CDK5RAP1: variants seen among roughly 807,000 people sequenced by gnomAD.
CDK5RAP1 encodes the protein CDK5RAP1 mitochondrial tRNA methylthiotransferase.
Under a neutral mutation model 64.5 loss-of-function variants are expected in CDK5RAP1, and 62 were observed. The ratio of observed to expected loss-of-function variants is 0.96; its 90% confidence interval spans 0.78 to 1.19. The LOEUF is 1.19. Ranked by LOEUF, CDK5RAP1 falls within the 50% of genes most tolerant of loss-of-function variation. The pLI is 0.00. For missense variants in CDK5RAP1, 657 were observed against 735.0 expected, an observed-to-expected ratio of 0.89 and a Z score of 1.23; for synonymous variants, 250 against 261.9, an observed-to-expected ratio of 0.95 and a Z score of 0.44.
intron 12 of CDK5RAP1, among the ~76,000 whole-genome samples, chr20:33,363,931 A>C (rs1203665272): frequency 6.6e-6 from 1 of 152,086 alleles, no homozygotes; most frequent in Non-Finnish European, 1.5e-5. Context: ...AATAAAATCA[A>C]TTAAATTGAG....
intron 6 of CDK5RAP1, among the ~76,000 whole-genome samples, chr20:33,386,325 G>C (rs1483156976): frequency 6.6e-6 from 1 of 152,206 alleles, no homozygotes; most frequent in Non-Finnish European, 1.5e-5. Flanking sequence ...GCCTCCCAAA[G>C]TGCTGGGATT....
intron 12 of CDK5RAP1, among the ~76,000 whole-genome samples, chr20:33,361,179 C>T (rs1230573195): frequency 6.6e-6 from 1 of 152,182 alleles, no homozygotes; most frequent in Non-Finnish European, 1.5e-5. Context: ...CCCCCAATCA[C>T]CCCTGCTTTC....
chr20:33,371,544 T>C (rs1985017899), intron 10 of CDK5RAP1, among the ~76,000 whole-genome samples: 1 of 152,016 alleles, frequency 6.6e-6, no homozygotes, highest in Non-Finnish European at 1.5e-5. Flanking sequence ...TCCCACCACT[T>C]TGGCAGGCTG....
Position 33,370,644 on chromosome 20 carries a change from A to C in CDK5RAP1, c.1262-15T>G, listed in dbSNP as rs1224806303. ...GAGGCTCACACCTGTGATACACAGC[A>C]AAGGATGACAGGTGACTGCCTGCTG... On this transcript the variant is annotated splice_polypyrimidine_tract_variant and intron_variant, in intron 10 of 13. Coordinates refer to ENST00000346416, the MANE Select transcript of CDK5RAP1 (RefSeq NM_016408.4). 8.7e-6 allele frequency: 14 copies of C among 1,613,972 alleles called. No individual in the cohort carries two copies. Among genetic ancestry groups the C allele is most frequent in the Non-Finnish European group, 1.1e-5 (13 of 1,179,944 alleles).
At chr20:33,365,930 T>G (rs1281589257) in intron 12 of CDK5RAP1, among the ~76,000 whole-genome samples, 1 of 152,196 alleles carries the variant, frequency 6.6e-6, no homozygotes, top group African/African-American at 2.4e-5. Flanking sequence ...AAAGAAAGTC[T>G]CCTCTAAGAG....
In CDK5RAP1 at chr20:33,396,859, A is replaced by T. The variant is rs749659479; in HGVS notation, c.206T>A (p.Leu69Ter). Residue 69 changes from leucine to a stop codon, truncating the protein, a stop_gained, in exon 2 of 14, where the codon TTA becomes TAA. Transcript: ENST00000346416. LOFTEE classifies it high-confidence loss of function. Reference protein sequence around the residue: ...LAAGPTFQHFLKSASAPQEKL... With the variant: ...LAAGPTFQHF Reference sequence around the variant, plus strand: ...CTCCTGAGGAGCTGAGGCACTTTTTAAAAAATGTTGAAAAGTCGGTCCAGC... The same window carrying T: ...CTCCTGAGGAGCTGAGGCACTTTTTTAAAAATGTTGAAAAGTCGGTCCAGC... 77 of 1,614,012 alleles carry T rather than the reference A, an allele frequency of 4.8e-5. No individual in the cohort carries two copies. Among genetic ancestry groups the T allele is most frequent in the Non-Finnish European group, 6.1e-5 (72 of 1,179,998 alleles).
chr20:33,389,937 A>T, intron 5 of CDK5RAP1, among the ~76,000 whole-genome samples: 1 of 145,074 alleles, frequency 6.9e-6, no homozygotes, highest in Non-Finnish European at 1.5e-5. Flanking sequence ...ACACAATGGA[A>T]TTTTTTTTTT....
intron 7 of CDK5RAP1, among the ~76,000 whole-genome samples, chr20:33,383,025 T>C (rs1358550845): frequency 1.3e-5 from 2 of 149,894 alleles, no homozygotes; most frequent in Non-Finnish European, 3.0e-5. Context: ...CTACTAAAAA[T>C]ACAAAATTAG....
Position 33,379,693 on chromosome 20 carries a change from T to C in CDK5RAP1, c.877-2A>G. On this transcript the variant is annotated splice_acceptor_variant, in intron 7 of 13. Coordinates refer to ENST00000346416, the MANE Select transcript of CDK5RAP1 (RefSeq NM_016408.4). LOFTEE classifies it high-confidence loss of function. The stretch of plus-strand genomic sequence containing the variant: ...AAGAAGTGTCACTTCTTTCAGCCCC[T>C]AAACATGGGAAAATATATTGGAATT... The C allele has an allele frequency of 6.2e-7, 1 of 1,606,038 alleles. No homozygotes were observed. Among genetic ancestry groups the C allele is most frequent in the South Asian group, 1.1e-5 (1 of 90,570 alleles).
chr20:33,387,833 G>A (rs1053572736), intron 5 of CDK5RAP1, among the ~76,000 whole-genome samples: 2 of 152,064 alleles, frequency 1.3e-5, no homozygotes, highest in East Asian at 1.9e-4. Flanking sequence ...TTGGGGGGCC[G>A]AGGCAGGCGG....
At position 33,379,536 on chromosome 20, in the gene CDK5RAP1, C is replaced by T; in HGVS notation, c.1032G>A (p.Leu344=). 1 of 1,614,052 alleles carries T rather than the reference C, an allele frequency of 6.2e-7. No individual in the cohort carries two copies. Among genetic ancestry groups the T allele is most frequent in the Non-Finnish European group, 8.5e-7 (1 of 1,180,002 alleles). ...KQGGLRFAHL[L]DQVSRVDPEM... Reference sequence around the variant, plus strand: ...CAGGATCTACTCTGGAGACCTGATCCAGAAGATGAGCAAAACGAAGTCCTC... The same window carrying T: ...CAGGATCTACTCTGGAGACCTGATCTAGAAGATGAGCAAAACGAAGTCCTC... The change falls in exon 8 of 14, where the codon CTG becomes CTA. Residue 344 remains leucine (L), a synonymous_variant. Transcript: ENST00000346416.
chr20:33,363,313 C>G (rs1983272273), intron 12 of CDK5RAP1, among the ~76,000 whole-genome samples: 1 of 152,138 alleles, frequency 6.6e-6, no homozygotes, highest in Non-Finnish European at 1.5e-5. Flanking sequence ...TAAACCAAAT[C>G]CTTTTCCTAT....
chr20:33,386,740 C>T (rs1987476778), intron 6 of CDK5RAP1, among the ~76,000 whole-genome samples: 1 of 148,386 alleles, frequency 6.7e-6, no homozygotes, highest in Non-Finnish European at 1.5e-5. Context: ...TATTATATAG[C>T]CATTAAAATA....
intron 11 of CDK5RAP1, among the ~76,000 whole-genome samples, chr20:33,367,899 C>T (rs193124994): frequency 3.5e-4 from 53 of 152,296 alleles, no homozygotes; most frequent in African/African-American, 1.2e-3. Context: ...ACCAATCTAC[C>T]TTGAAGAGAA....
intron 7 of CDK5RAP1, among the ~76,000 whole-genome samples, chr20:33,382,130 T>C (rs941060902): frequency 1.1e-3 from 169 of 151,692 alleles, no homozygotes; most frequent in African/African-American, 4.0e-3. Context: ...CACCAAAAAA[T>C]GTACCAAAGA....
chr20:33,387,552 CA>C lies in CDK5RAP1; in HGVS notation c.545-20del. The C allele has an allele frequency of 3.1e-6, 5 of 1,600,460 alleles. No homozygotes were observed. The highest frequency in any genetic ancestry group is 4.3e-6 in the Non-Finnish European group (5 of 1,167,842). On this transcript the variant is annotated intron_variant, in intron 5 of 13. Transcript: ENST00000346416. ...ATGCAGCCTGGAAGGGAAAAAGAAA[CA>C]AGCACCTTTCCCCAAATCCACCTGG... is the stretch of plus-strand genomic sequence containing the variant.
chr20:33,400,908 C>T (rs963196984), intron 1 of CDK5RAP1, among the ~76,000 whole-genome samples: 6 of 152,154 alleles, frequency 3.9e-5, no homozygotes, highest in Non-Finnish European at 1.5e-5. Flanking sequence ...ACTCTGGGAG[C>T]CTCTAGATGG....
chr20:33,382,041 A>C (rs1568708279), intron 7 of CDK5RAP1, among the ~76,000 whole-genome samples: 1 of 151,678 alleles, frequency 6.6e-6, no homozygotes, highest in Non-Finnish European at 1.5e-5. Flanking sequence ...AGCAGCTCCC[A>C]GTGTTGCCCA....
intron 4 of CDK5RAP1, among the ~76,000 whole-genome samples, chr20:33,392,448 T>C (rs1368748498): frequency 6.6e-6 from 1 of 151,012 alleles, no homozygotes; most frequent in African/African-American, 2.4e-5. Flanking sequence ...CATTAGGAGA[T>C]TTTTTTGGGG....
Sources: gnomAD v4.1 joint callset for allele counts (sites outside exome capture counted in the v4.1 genomes callset) on GRCh38, gnomAD v4.1.1 for gene constraint, MANE v1.5 for transcripts, NCBI Gene and HGNC (gene_info 2026-07-23, HGNC 2026-07-21) for gene names.